Variants in YIPF7 observed in about 807,000 individuals in gnomAD.
YIPF7 encodes the protein Yip1 domain family member 7, also known as protein YIPF7.
Under a neutral mutation model 27.2 loss-of-function variants are expected in YIPF7, and 35 were observed. The ratio of observed to expected loss-of-function variants is 1.29; its 90% CI spans 0.98 to 1.70. The LOEUF is 1.70. Ranked by LOEUF, YIPF7 falls within the 40% of genes most tolerant of loss-of-function variation. The pLI is 0.00. For missense variants in YIPF7, 358 were observed against 303.7 expected, an observed-to-expected ratio of 1.18 and a Z score of -1.33; for synonymous variants, 137 against 110.4, an observed-to-expected ratio of 1.24 and a Z score of -1.51.
intron 4 of YIPF7, among the ~76,000 whole-genome samples, chr4:44,628,907 C>T (rs1712769202): frequency 6.6e-6 from 1 of 152,106 alleles, no homozygotes; most frequent in Non-Finnish European, 1.5e-5. Flanking sequence ...CATAGGTTGT[C>T]ATTGCAAATT....
intron 2 of YIPF7, among the ~76,000 whole-genome samples, chr4:44,656,752 G>A (rs1713911688): frequency 6.6e-6 from 1 of 151,328 alleles, no homozygotes; most frequent in Non-Finnish European, 1.5e-5. Context: ...GAAGATAGGA[G>A]GCTGGATATT....
intron 2 of YIPF7, among the ~76,000 whole-genome samples, chr4:44,645,385 C>A (rs1299244936): frequency 6.6e-6 from 1 of 152,104 alleles, no homozygotes; most frequent in East Asian, 1.9e-4. Flanking sequence ...TGAAAAAAGT[C>A]TCTGAGATAA....
chr4:44,643,989 T>A (rs1602476), intron 2 of YIPF7, among the ~76,000 whole-genome samples: 80,735 of 151,552 alleles, frequency 0.53, 22,370 homozygotes, highest in Non-Finnish European at 0.62. Flanking sequence ...CCACACAGAG[T>A]CTCCACACAG....
intron 1 of YIPF7, among the ~76,000 whole-genome samples, chr4:44,650,498 C>CGCGCGCACACACAT (rs1553873570): frequency 1.6e-5 from 1 of 63,736 alleles, no homozygotes; most frequent in African/African-American, 5.9e-5. Flanking sequence ...CACACATGCG[C>CGCGCGCACACACAT]GCGCGCGCGC....
intron 2 of YIPF7, among the ~76,000 whole-genome samples, chr4:44,645,376 G>GA (rs1341172597): frequency 1.3e-5 from 2 of 151,996 alleles, no homozygotes; most frequent in Admixed American, 1.3e-4. Context: ...ATCCTTTCAT[G>GA]AAAAAAGTCT....
At chr4:44,631,582 GTTATT>G (rs1712898973) in intron 3 of YIPF7, among the ~76,000 whole-genome samples, 1 of 151,960 alleles carries the variant, frequency 6.6e-6, no homozygotes, top group Non-Finnish European at 1.5e-5. Context: ...AATGACATCT[GTTATT>G]TTAAGCTTGA....
intron 2 of YIPF7, among the ~76,000 whole-genome samples, chr4:44,644,029 G>A (rs925045833): frequency 1.3e-5 from 2 of 152,004 alleles, no homozygotes; most frequent in African/African-American, 4.8e-5. Context: ...GTGAGAAGAG[G>A]GCCATCATCA....
intron 2 of YIPF7, among the ~76,000 whole-genome samples, chr4:44,657,096 T>C (rs1713921348): frequency 6.6e-6 from 1 of 152,194 alleles, no homozygotes; most frequent in African/African-American, 2.4e-5. Flanking sequence ...TCCAAGTTTA[T>C]TGTGAAAATT....
intron 2 of YIPF7, among the ~76,000 whole-genome samples, chr4:44,660,127 A>AAAAAAAAAAAAC: frequency 6.8e-6 from 1 of 146,684 alleles, no homozygotes; most frequent in African/African-American, 2.5e-5. Context: ...AAAAAAAAAA[A>AAAAAAAAAAAAC]AAAAAAAAAC....
Position 44,622,172 on chromosome 4 carries a change from C to A in YIPF7, c.*242G>T. The A allele has an allele frequency of 2.0e-6, 1 of 496,322 alleles. No individual in the cohort carries two copies. Among genetic ancestry groups the A allele is most frequent in the Admixed American group, 3.6e-5 (1 of 27,968 alleles). The allele number at this position is 496,322 out of a possible 1,614,324, so 30.7% of individuals were successfully genotyped here. A position where few individuals can be genotyped will look rare whatever the true frequency, so the allele number is the denominator to read the frequency against. ...AGAAAAGCAGGGTTGATCAGTACAGCAACTGTATCCCTTTTGATTTTAAGT... is the reference window on the plus strand; with the variant it reads ...AGAAAAGCAGGGTTGATCAGTACAGAAACTGTATCCCTTTTGATTTTAAGT... On this transcript the variant is annotated 3_prime_UTR_variant, in exon 6 of 6. Transcript: ENST00000415895.
chr4:44,623,262 G>A (rs551037258), intron 5 of YIPF7, among the ~76,000 whole-genome samples: 13 of 152,296 alleles, frequency 8.5e-5, no homozygotes, highest in African/African-American at 2.9e-4. Flanking sequence ...AGGCAGGAAG[G>A]GTGGTCGAGA....
intron 2 of YIPF7, among the ~76,000 whole-genome samples, chr4:44,640,294 C>T (rs930912676): frequency 2.0e-5 from 3 of 152,150 alleles, no homozygotes; most frequent in Admixed American, 6.5e-5. Context: ...TGGTAGAATT[C>T]GACTGTGAAT....
chr4:44,632,834 A>G (rs908827686), intron 3 of YIPF7, among the ~76,000 whole-genome samples: 3 of 152,188 alleles, frequency 2.0e-5, no homozygotes, highest in Non-Finnish European at 4.4e-5. Context: ...GATATTTCAT[A>G]GATTCAAAGC....
chr4:44,635,497 A>G (rs1031808355), intron 3 of YIPF7, among the ~76,000 whole-genome samples: 3 of 152,172 alleles, frequency 2.0e-5, no homozygotes, highest in African/African-American at 7.2e-5. Flanking sequence ...ACAACAAAAA[A>G]TATTAATTTG....
rs1214131430 is a variant in YIPF7, at chr4:44,649,986, T to C, written c.115A>G (p.Lys39Glu). The change falls in exon 2 of 6, where the codon AAA (lysine) becomes GAA (glutamate). Residue 39 changes from lysine (K) to glutamate (E), a missense_variant and splice_region_variant. Lys to Glu is a moderately conservative substitution (Grantham distance 56). Coordinates refer to ENST00000415895, the MANE Select transcript of YIPF7 (RefSeq NM_182592.3). ...AAAAGAAAAATATTAAGTACTTACT[T>C]TCTAGATCCATAAAGATTTCCATAG... is the stretch of plus-strand genomic sequence containing the variant. ...NAYGNLYGSR[K>E]QQAGEQPQPA... 1 of 1,496,268 alleles carries C rather than the reference T, an allele frequency of 6.7e-7. No homozygotes were observed. Among genetic ancestry groups the C allele is most frequent in the South Asian group, 1.3e-5 (1 of 78,882 alleles). The allele number at this position is 1,496,268 out of a possible 1,614,324, so 92.7% of individuals were successfully genotyped here. A position where few individuals can be genotyped will look rare whatever the true frequency, so the allele number is the denominator to read the frequency against.
intron 1 of YIPF7, among the ~76,000 whole-genome samples, chr4:44,661,509 A>G (rs1241982706): frequency 2.0e-5 from 3 of 152,240 alleles, no homozygotes; most frequent in African/African-American, 7.2e-5. Flanking sequence ...TTTGGATAGA[A>G]GTTGGTAAGA....
chr4:44,656,117 G>A (rs1197782422), upstream of YIPF7, among the ~76,000 whole-genome samples: 1 of 151,888 alleles, frequency 6.6e-6, no homozygotes, highest in Non-Finnish European at 1.5e-5. Flanking sequence ...TTGGCAATAT[G>A]TTTTGTTAGC....
upstream of YIPF7, among the ~76,000 whole-genome samples, chr4:44,655,699 G>T (rs531528685): frequency 2.8e-4 from 42 of 151,968 alleles, no homozygotes; most frequent in African/African-American, 2.7e-4. Context: ...AGAATAGAAC[G>T]CATTGTTTTC....
chr4:44,647,588 T>C (rs1310390574), intron 2 of YIPF7, among the ~76,000 whole-genome samples: 1 of 152,118 alleles, frequency 6.6e-6, no homozygotes, highest in African/African-American at 2.4e-5. Flanking sequence ...ATTTTCCTGT[T>C]TTTTTTCACC....
Sources: gnomAD v4.1 joint callset for allele counts (sites outside exome capture counted in the v4.1 genomes callset) on GRCh38, gnomAD v4.1.1 for gene constraint, MANE v1.5 for transcripts, NCBI Gene and HGNC (gene_info 2026-07-23, HGNC 2026-07-21) for gene names.